RASSF8: variants seen among roughly 807,000 people sequenced by gnomAD.
The protein encoded by RASSF8 is ras association domain-containing protein 8.
Under a neutral mutation model 48.5 loss-of-function variants are expected in RASSF8, and 22 were observed. That is an observed-to-expected ratio of 0.45 (90% CI 0.32 to 0.65). The LOEUF is 0.65. Ranked by LOEUF, RASSF8 falls within the 30% of genes least tolerant of loss-of-function variation. The pLI, the probability that RASSF8 is intolerant of heterozygous loss-of-function variation, is 0.03. For synonymous variants in RASSF8, 127 were observed against 171.5 expected (o/e 0.74, Z 2.03); for missense variants, 418 against 489.2 (o/e 0.85, Z 1.37).
chr12:26,004,957 C>T (rs560801203), intron 2 of RASSF8, among the ~76,000 whole-genome samples: 2 of 152,038 alleles, frequency 1.3e-5, no homozygotes, highest in South Asian at 4.2e-4. Flanking sequence ...GGTTTGAGGC[C>T]AGTCTGGGCA....
At chr12:26,045,285 A>G (rs1054197219) in intron 2 of RASSF8, among the ~76,000 whole-genome samples, 4 of 152,166 alleles carry the variant, frequency 2.6e-5, no homozygotes, top group Admixed American at 2.0e-4. Flanking sequence ...TATTTTATCA[A>G]CTGAATAAGT....
intron 1 of RASSF8, among the ~76,000 whole-genome samples, chr12:25,980,421 G>A (rs1438292906): frequency 1.3e-5 from 2 of 152,192 alleles, no homozygotes; most frequent in Non-Finnish European, 2.9e-5. Flanking sequence ...CATGGGGTAG[G>A]AAAGACCCTT....
At chr12:26,046,610 G>C (rs1046443897) in intron 2 of RASSF8, among the ~76,000 whole-genome samples, 1 of 151,458 alleles carries the variant, frequency 6.6e-6, no homozygotes, top group Non-Finnish European at 1.5e-5. Flanking sequence ...ATCGAGGTAG[G>C]AGAATCACTT....
At chr12:26,055,550 C>T (rs1943584251) in intron 3 of RASSF8, 104 bp downstream of exon 3, 1 of 1,005,234 alleles carries the variant, frequency 9.9e-7, no homozygotes, top group Non-Finnish European at 1.5e-6. Flanking sequence ...TCATTTGGTT[C>T]CATAATAAGT....
chr12:26,015,669 T>TA (rs5797156), intron 2 of RASSF8, among the ~76,000 whole-genome samples: 150,491 of 152,316 alleles, frequency 0.99, 74,365 homozygotes, highest in East Asian at 1. Context: ...TACTTATTTT[T>TA]TAGTGATGTT....
At chr12:25,981,541 A>G (rs913746301) in intron 1 of RASSF8, among the ~76,000 whole-genome samples, 1 of 152,190 alleles carries the variant, frequency 6.6e-6, no homozygotes, top group Non-Finnish European at 1.5e-5. Flanking sequence ...TCTGCCATAC[A>G]GGGTTATTCT....
chr12:26,075,455 C>T (rs1944063638), downstream of RASSF8, among the ~76,000 whole-genome samples: 1 of 152,202 alleles, frequency 6.6e-6, no homozygotes, highest in East Asian at 1.9e-4. Context: ...AAGAAGTGCT[C>T]TTCTCTGCAC....
At position 26,070,890 on chromosome 12, in the gene RASSF8, T is replaced by C; in HGVS notation, c.*2072T>C. ...AACACTGTCAATATCCAACTCATTA[T>C]AAATTGTTATCAGAATTAACCTAAT... On this transcript the variant is annotated 3_prime_UTR_variant, in exon 6 of 6. Coordinates refer to ENST00000689635, the MANE Select transcript of RASSF8 (RefSeq NM_001394098.1). 1.0e-6 allele frequency: 1 copy of C among 985,020 alleles called. No individual in the cohort carries two copies. Among genetic ancestry groups the C allele is most frequent in the Non-Finnish European group, 1.2e-6 (1 of 829,534 alleles). 61.0% of individuals were successfully genotyped at this position (985,020 alleles called of 1,614,324 possible). A position where few individuals can be genotyped will look rare whatever the true frequency, so the allele number is the denominator to read the frequency against.
At chr12:26,022,830 C>T (rs1322273211) in intron 2 of RASSF8, among the ~76,000 whole-genome samples, 1 of 152,054 alleles carries the variant, frequency 6.6e-6, no homozygotes, top group Non-Finnish European at 1.5e-5. Context: ...CAACTTCCGC[C>T]TCCCGGGTTC....
chr12:26,021,001 C>T (rs1942775091), intron 2 of RASSF8, among the ~76,000 whole-genome samples: 1 of 152,066 alleles, frequency 6.6e-6, no homozygotes, highest in Admixed American at 6.5e-5. Flanking sequence ...TTTTGTTTAT[C>T]ATAACTATTG....
At chr12:26,073,544 C>T (rs923372410), downstream of RASSF8, among the ~76,000 whole-genome samples, 2 of 152,110 alleles carry the variant, frequency 1.3e-5, no homozygotes, top group African/African-American at 4.8e-5. Context: ...CGAGACCAGC[C>T]TGGCCAACGT....
intron 1 of RASSF8, among the ~76,000 whole-genome samples, chr12:25,970,068 T>C (rs1244953131): frequency 2.0e-5 from 3 of 151,874 alleles, no homozygotes; most frequent in African/African-American, 7.3e-5. Context: ...CATGTGCTTT[T>C]AAACTCTCTT....
chr12:25,996,625 A>G (rs962913890), intron 2 of RASSF8, among the ~76,000 whole-genome samples: 7 of 152,222 alleles, frequency 4.6e-5, no homozygotes, highest in Non-Finnish European at 8.8e-5. Flanking sequence ...CTTCTCAAAC[A>G]TTCAATATTC....
chr12:25,983,929 G>A (rs1941806239), intron 1 of RASSF8, among the ~76,000 whole-genome samples: 1 of 152,128 alleles, frequency 6.6e-6, no homozygotes, highest in Admixed American at 6.5e-5. Flanking sequence ...GAAAATGAAT[G>A]AACTACCAGT....
intron 2 of RASSF8, among the ~76,000 whole-genome samples, chr12:26,048,759 TTTTG>T (rs1299924108): frequency 3.3e-5 from 5 of 149,496 alleles, no homozygotes; most frequent in East Asian, 4.4e-4. Context: ...TTTTGTTTTG[TTTTG>T]TTTTTTTCAG....
intron 1 of RASSF8, among the ~76,000 whole-genome samples, chr12:25,989,611 T>A (rs1393176908): frequency 6.6e-6 from 1 of 152,024 alleles, no homozygotes; most frequent in Admixed American, 6.6e-5. Flanking sequence ...TAAACAAAAA[T>A]GATTACTTAG....
chr12:25,998,467 A>G (rs35924984), intron 2 of RASSF8, among the ~76,000 whole-genome samples: 11,290 of 150,772 alleles, frequency 0.075, 773 homozygotes, highest in East Asian at 0.27. Flanking sequence ...TTCCTGCCTC[A>G]GCCTCTGGAG....
intron 5 of RASSF8, 100 bp from the exon 6 acceptor site, chr12:26,068,597 C>T: frequency 1.1e-6 from 1 of 920,252 alleles, no homozygotes; most frequent in Non-Finnish European, 1.7e-6. Flanking sequence ...TTGCTCTATG[C>T]AGTTTTCCCT....
At chr12:25,976,733 G>T (rs148881132) in intron 1 of RASSF8, among the ~76,000 whole-genome samples, 1 of 152,066 alleles carries the variant, frequency 6.6e-6, no homozygotes, top group African/African-American at 2.4e-5. Flanking sequence ...TTTGCTGGGC[G>T]TTTTGTCCAG....
Sources: allele counts gnomAD v4.1 joint callset (sites outside exome capture counted in the v4.1 genomes callset), GRCh38; gene constraint gnomAD v4.1.1; transcripts MANE v1.5; gene names NCBI Gene and HGNC (gene_info 2026-07-23, HGNC 2026-07-21).